Variants in AFF3 observed in about 807,000 individuals in gnomAD.
AFF3 encodes the protein AF4/FMR2 family member 3.
Under a neutral mutation model 129.7 loss-of-function variants are expected in AFF3, and 32 were observed. The observed-to-expected ratio is 0.25, with a 90% CI of 0.19 to 0.33. The LOEUF is 0.33. Among genes scored for constraint, AFF3 ranks in the 10% least tolerant of loss-of-function variants. The pLI, the probability that AFF3 is intolerant of heterozygous loss-of-function variation, is 1.00. For synonymous variants in AFF3, 644 were observed against 635.4 expected, an observed-to-expected ratio of 1.01 and a Z score of -0.20; for missense variants, 1,373 against 1,592.0, an observed-to-expected ratio of 0.86 and a Z score of 2.34.
intron 10 of AFF3, among the ~76,000 whole-genome samples, chr2:99,736,766 C>T (rs943174252): frequency 6.6e-5 from 10 of 151,984 alleles, no homozygotes; most frequent in African/African-American, 2.4e-4. Flanking sequence ...TACGCCACCA[C>T]GCCCGGCTAA....
chr2:99,576,333 G>A (rs1160215330), intron 18 of AFF3, among the ~76,000 whole-genome samples: 1 of 147,818 alleles, frequency 6.8e-6, no homozygotes, highest in Non-Finnish European at 1.5e-5. Flanking sequence ...GCCCAGCCGT[G>A]AGACGCTTTT....
At chr2:99,726,997 T>G in intron 11 of AFF3, 80 bp downstream of exon 11, 1 of 1,242,986 alleles carries the variant, frequency 8.0e-7, no homozygotes, top group Non-Finnish European at 1.1e-6. Context: ...ATTATTACTA[T>G]TACAAGATAC....
intron 8 of AFF3, among the ~76,000 whole-genome samples, chr2:99,799,770 C>G (rs1402191731): frequency 6.6e-6 from 1 of 152,028 alleles, no homozygotes; most frequent in African/African-American, 2.4e-5. Context: ...CTGACAAGAA[C>G]CAAACAGAGA....
intron 4 of AFF3, among the ~76,000 whole-genome samples, chr2:100,053,485 G>C (rs1686519955): frequency 6.6e-6 from 1 of 152,174 alleles, no homozygotes; most frequent in Non-Finnish European, 1.5e-5. Flanking sequence ...TATGGAATGG[G>C]GATAATAATG....
At chr2:99,856,561 T>C (rs950238221) in intron 7 of AFF3, among the ~76,000 whole-genome samples, 1 of 152,230 alleles carries the variant, frequency 6.6e-6, no homozygotes, top group African/African-American at 2.4e-5. Flanking sequence ...ACATTAGTAT[T>C]AGTTTAGCTT....
rs552411468 is a variant in AFF3 at position 99,979,765 on chromosome 2, G to A, written c.873+26867C>T. On this transcript the variant is annotated intron_variant, in intron 7 of 24. Coordinates refer to ENST00000672756, the MANE Select transcript of AFF3 (RefSeq NM_001386135.1). Reference sequence around the variant, plus strand: ...CCCAAAGCACTGGGATTATAGGCATGAGCCACTGCACCCGGCCTATTCTGT... The same window carrying A: ...CCCAAAGCACTGGGATTATAGGCATAAGCCACTGCACCCGGCCTATTCTGT... 1.4e-3 allele frequency among the ~76,000 whole-genome samples: 218 copies of A among 152,276 alleles called. 2 individuals carry two copies. Among genetic ancestry groups the A allele is most frequent in the African/African-American group, 5.1e-3 (210 of 41,564 alleles).
Position 99,797,827 on chromosome 2 carries a change from T to G in AFF3, c.921+39650A>C, listed in dbSNP as rs749948845. Reference sequence around the variant, plus strand: ...TATGACAAAAATATTTGTCAAAAACTAAGGTAAAATACAGACATTTTCAGA... The same window carrying G: ...TATGACAAAAATATTTGTCAAAAACGAAGGTAAAATACAGACATTTTCAGA... On this transcript the variant is annotated intron_variant, in intron 8 of 24. Coordinates refer to ENST00000672756, the MANE Select transcript of AFF3 (RefSeq NM_001386135.1). Among the ~76,000 whole-genome samples the G allele has an allele frequency of 4.2e-4, 64 of 151,968 alleles. 2 individuals are homozygous for G. Among genetic ancestry groups the G allele is most frequent in the South Asian group, 2.1e-4 (1 of 4,822 alleles).
intron 4 of AFF3, among the ~76,000 whole-genome samples, chr2:100,079,416 A>G (rs1688863799): frequency 6.6e-6 from 1 of 152,238 alleles, no homozygotes. Context: ...AGCAAACTAG[A>G]AAACAGATTT....
intron 2 of AFF3, 42 bp from the exon 3 acceptor site, chr2:100,105,625 A>G (rs1691231384): frequency 7.5e-7 from 1 of 1,337,820 alleles, no homozygotes; most frequent in Admixed American, 2.3e-5. Flanking sequence ...CCTAAAGAGT[A>G]ATAATAATCT....
At chr2:99,860,567 C>CAAAAAA (rs1486722673) in intron 7 of AFF3, among the ~76,000 whole-genome samples, 1 of 150,136 alleles carries the variant, frequency 6.7e-6, no homozygotes, top group African/African-American at 2.4e-5. Context: ...AAACAAAAAA[C>CAAAAAA]AAACAAAAAA....
intron 8 of AFF3, among the ~76,000 whole-genome samples, chr2:99,806,944 T>C (rs1188936055): frequency 6.6e-6 from 1 of 152,212 alleles, no homozygotes; most frequent in African/African-American, 2.4e-5. Context: ...ACATGGAAAC[T>C]TCCTGGTTTA....
chr2:99,674,392 C>A (rs1003965789), intron 11 of AFF3, among the ~76,000 whole-genome samples: 1 of 152,186 alleles, frequency 6.6e-6, no homozygotes, highest in Non-Finnish European at 1.5e-5. Flanking sequence ...CAGCACAGTG[C>A]GGCACAGAAC....
chr2:99,563,085 G>A (rs917128193), intron 20 of AFF3, among the ~76,000 whole-genome samples: 5 of 152,112 alleles, frequency 3.3e-5, no homozygotes, highest in African/African-American at 1.2e-4. Context: ...GGTCATCTTG[G>A]TGGTGAGAAC....
At chr2:100,119,683 T>C (rs1045387078) in intron 2 of AFF3, among the ~76,000 whole-genome samples, 1 of 152,230 alleles carries the variant, frequency 6.6e-6, no homozygotes, top group Non-Finnish European at 1.5e-5. Context: ...GTAGGCACTG[T>C]CATTATCCCC....
intron 7 of AFF3, among the ~76,000 whole-genome samples, chr2:99,931,899 ACT>A (rs199677398): frequency 0.013 from 2,033 of 152,212 alleles, 57 homozygotes; most frequent in African/African-American, 0.047. Context: ...ACAGAGTAAG[ACT>A]CTGTCTCAAC....
chr2:99,579,952 G>C (rs978300813), intron 17 of AFF3, among the ~76,000 whole-genome samples: 1 of 152,158 alleles, frequency 6.6e-6, no homozygotes, highest in African/African-American at 2.4e-5. Flanking sequence ...CTGCTTTTAC[G>C]TGTAGCACTG....
chr2:99,759,245 T>C (rs1215231990), intron 8 of AFF3, among the ~76,000 whole-genome samples: 2 of 152,234 alleles, frequency 1.3e-5, no homozygotes, highest in Non-Finnish European at 2.9e-5. Context: ...CACCCAACCA[T>C]TTATCTCTCT....
chr2:99,750,561 G>A (rs1369928080), intron 9 of AFF3, among the ~76,000 whole-genome samples: 1 of 151,928 alleles, frequency 6.6e-6, no homozygotes, highest in Non-Finnish European at 1.5e-5. Flanking sequence ...GGGACTACAG[G>A]TGTGCCACCA....
intron 8 of AFF3, among the ~76,000 whole-genome samples, chr2:99,777,108 G>A (rs1683964463): frequency 6.6e-6 from 1 of 152,218 alleles, no homozygotes; most frequent in Non-Finnish European, 1.5e-5. Flanking sequence ...TTGGAATTGA[G>A]CAAAGTCAGA....
Sources: allele counts gnomAD v4.1 joint callset (sites outside exome capture counted in the v4.1 genomes callset), GRCh38; gene constraint gnomAD v4.1.1; transcripts MANE v1.5; gene names NCBI Gene and HGNC (gene_info 2026-07-23, HGNC 2026-07-21).